NPAS2: variants seen among roughly 807,000 people sequenced by gnomAD.
The protein encoded by NPAS2 is neuronal PAS domain protein 2, also known as neuronal PAS domain-containing protein 2.
NPAS2 carries 23 observed loss-of-function variants against 107.5 expected under a neutral mutation model. The ratio of observed to expected loss-of-function variants is 0.21; its 90% CI spans 0.15 to 0.30. NPAS2 has a LOEUF of 0.30. Ranked by LOEUF, NPAS2 falls within the 10% of genes least tolerant of loss-of-function variation. The pLI, the probability that NPAS2 is intolerant of heterozygous loss-of-function variation, is 1.00. For missense variants in NPAS2, 756 were observed against 1,043.3 expected (o/e 0.72, Z 3.79); for synonymous variants, 403 against 417.5 (o/e 0.97, Z 0.42).
chr2:100,930,661 G>A (rs1386558120), intron 3 of NPAS2, among the ~76,000 whole-genome samples: 1 of 152,062 alleles, frequency 6.6e-6, no homozygotes, highest in African/African-American at 2.4e-5. Flanking sequence ...TAACTTCCAA[G>A]GAGTCTAATT....
intron 2 of NPAS2, among the ~76,000 whole-genome samples, chr2:100,921,385 T>C (rs1392215551): frequency 6.6e-6 from 1 of 152,192 alleles, no homozygotes; most frequent in East Asian, 1.9e-4. Context: ...GCCCAGCAAA[T>C]ATTCCTTGTG....
intron 2 of NPAS2, among the ~76,000 whole-genome samples, chr2:100,912,251 TA>T (rs1558865701): frequency 7.2e-5 from 4 of 55,680 alleles, no homozygotes; most frequent in Non-Finnish European, 9.8e-5. Flanking sequence ...TTTATTTATT[TA>T]TTTATTATTA....
intron 15 of NPAS2, among the ~76,000 whole-genome samples, chr2:100,981,837 G>A (rs1391428365): frequency 6.6e-6 from 1 of 152,174 alleles, no homozygotes; most frequent in African/African-American, 2.4e-5. Context: ...GGGGGAAAAG[G>A]GACTCTCTGA....
intron 1 of NPAS2, among the ~76,000 whole-genome samples, chr2:100,828,447 T>C (rs1300464782): frequency 6.6e-6 from 1 of 152,174 alleles, no homozygotes; most frequent in Non-Finnish European, 1.5e-5. Flanking sequence ...TTTGTTGCAA[T>C]GGCTTTTGAG....
chr2:100,988,375 G>A (rs1388156892), intron 17 of NPAS2, 99 bp downstream of exon 17: 1 of 1,000,958 alleles, frequency 1.0e-6, no homozygotes, highest in African/African-American at 1.6e-5. Context: ...GTGAACTGAG[G>A]CCTACTGCCC....
At chr2:100,924,001 G>A (rs2104888250) in intron 2 of NPAS2, among the ~76,000 whole-genome samples, 1 of 152,288 alleles carries the variant, frequency 6.6e-6, no homozygotes, top group Non-Finnish European at 1.5e-5. Flanking sequence ...GCTTGGGGGA[G>A]GCCCCTCCTC....
At chr2:100,964,278 A>G (rs1309335357) in intron 8 of NPAS2, 102 bp downstream of exon 8, 6 of 832,466 alleles carry the variant, frequency 7.2e-6, no homozygotes, top group Non-Finnish European at 1.2e-5. Flanking sequence ...AATTGCAGTG[A>G]AGTTGTCACT....
At chr2:100,902,325 G>A (rs1274278296) in intron 1 of NPAS2, among the ~76,000 whole-genome samples, 1 of 152,212 alleles carries the variant, frequency 6.6e-6, no homozygotes, top group Admixed American at 6.5e-5. Context: ...AGTAGCCCAT[G>A]TCCATGGACA....
intron 1 of NPAS2, among the ~76,000 whole-genome samples, chr2:100,893,144 G>A (rs756156339): frequency 2.0e-4 from 30 of 152,200 alleles, no homozygotes; most frequent in Non-Finnish European, 2.9e-4. Flanking sequence ...ATAAGTGAGC[G>A]TCGCAGTTCA....
At chr2:100,900,489 C>T (rs968212224) in intron 1 of NPAS2, among the ~76,000 whole-genome samples, 1 of 152,142 alleles carries the variant, frequency 6.6e-6, no homozygotes, top group Non-Finnish European at 1.5e-5. Context: ...TGTACGTTCA[C>T]TTTGGAAAAC....
At position 100,993,530 on chromosome 2, in the gene NPAS2, G is replaced by A. The variant is rs890552216; in HGVS notation, c.2292+3G>A. ...AGCCACCGCAGCACTACCTGCAGGTGGGTGCCACGGCCCAGGGGGCCCCCG... is the reference window on the plus strand; with the variant it reads ...AGCCACCGCAGCACTACCTGCAGGTAGGTGCCACGGCCCAGGGGGCCCCCG... On this transcript the variant is annotated splice_donor_region_variant and intron_variant, in intron 20 of 20. Coordinates refer to ENST00000335681, the MANE Select transcript of NPAS2 (RefSeq NM_002518.4). 1 of 1,540,478 alleles carries A rather than the reference G, an allele frequency of 6.5e-7. No homozygotes were observed.
At chr2:100,887,637 A>T (rs1680786585) in intron 1 of NPAS2, among the ~76,000 whole-genome samples, 1 of 152,054 alleles carries the variant, frequency 6.6e-6, no homozygotes, top group Non-Finnish European at 1.5e-5. Context: ...GGAAATGGCA[A>T]TGTGTCAATT....
chr2:100,904,007 A>G (rs1473571111), intron 1 of NPAS2, among the ~76,000 whole-genome samples: 1 of 152,048 alleles, frequency 6.6e-6, no homozygotes, highest in Non-Finnish European at 1.5e-5. Flanking sequence ...ACATTCCTGG[A>G]TTGTTACGTA....
chr2:100,825,274 C>T (rs559850665), intron 1 of NPAS2, among the ~76,000 whole-genome samples: 59 of 151,988 alleles, frequency 3.9e-4, no homozygotes, highest in Middle Eastern at 3.4e-3. Context: ...ATTAAGAGCT[C>T]GAGGTCATCT....
At chr2:100,821,291 C>A in intron 1 of NPAS2, 2 of 1,099,328 alleles carry the variant, frequency 1.8e-6, no homozygotes, top group Non-Finnish European at 2.4e-6. Flanking sequence ...TATACGCACG[C>A]ACTTCCACAA....
intron 1 of NPAS2, among the ~76,000 whole-genome samples, chr2:100,879,583 C>T (rs1680206586): frequency 1.3e-5 from 2 of 151,988 alleles, no homozygotes; most frequent in Non-Finnish European, 2.9e-5. Flanking sequence ...TAAGTGAGAT[C>T]ATGCAGTATT....
At chr2:100,842,081 G>GCGCACACACACACACA in intron 1 of NPAS2, among the ~76,000 whole-genome samples, 4 of 148,882 alleles carry the variant, frequency 2.7e-5, no homozygotes, top group Admixed American at 6.7e-5. Context: ...GCATGTACGC[G>GCGCACACACACACACA]CACACACACA....
chr2:100,906,742 G>A (rs1292107089), intron 2 of NPAS2, among the ~76,000 whole-genome samples: 1 of 152,192 alleles, frequency 6.6e-6, no homozygotes, highest in African/African-American at 2.4e-5. Context: ...GTGGTAGCCA[G>A]CATTCGCTGG....
At position 100,949,489 on chromosome 2, in the gene NPAS2, T is replaced by C. The variant is rs751629661; in HGVS notation, c.598+9T>C. On this transcript the variant is annotated intron_variant, in intron 7 of 20. Transcript: ENST00000335681. ...TCGCTCTTACAACAATGGTAAGCTT[T>C]AATTGTCATATAATTGTGACAGTGT... 7.1e-7 allele frequency: 1 copy of C among 1,414,052 alleles called. No homozygotes were observed. The highest frequency in any genetic ancestry group is 1.2e-5 in the South Asian group (1 of 86,904). 87.6% of individuals were successfully genotyped at this position (1,414,052 alleles called of 1,614,324 possible).
Sources: allele counts gnomAD v4.1 joint callset (sites outside exome capture counted in the v4.1 genomes callset), GRCh38; gene constraint gnomAD v4.1.1; transcripts MANE v1.5; gene names NCBI Gene and HGNC (gene_info 2026-07-23, HGNC 2026-07-21).